The following NRCAM variants were observed in gnomAD, a reference collection of about 807,000 sequenced individuals.
NRCAM encodes NgCAM-related cell adhesion molecule.
Under a neutral mutation model 156.5 loss-of-function variants are expected in NRCAM, and 83 were observed. The ratio of observed to expected loss-of-function variants is 0.53; its 90% CI spans 0.44 to 0.64. The LOEUF (loss-of-function observed/expected upper bound fraction) is 0.64. Among genes scored for constraint, NRCAM ranks in the 30% least tolerant of loss-of-function variants. The pLI is 0.00. For missense variants in NRCAM, 1,417 were observed against 1,597.3 expected (o/e 0.89, Z 1.92); for synonymous variants, 538 against 563.9 (o/e 0.95, Z 0.65).
rs1554479870 is a variant in NRCAM at position 108,299,114 on chromosome 7, AAAAG to A, written c.-107+13547_-107+13550del. 2.4e-4 allele frequency among the ~76,000 whole-genome samples: 6 copies of A among 25,514 alleles called. 1 individual carries two copies. The highest frequency in any genetic ancestry group is 3.2e-4 in the African/African-American group (3 of 9,292). The allele number at this position is 25,514 out of a possible 152,430, so 16.7% of individuals were successfully genotyped here. On this transcript the variant is annotated intron_variant, in intron 3 of 32. Coordinates refer to ENST00000379028, the MANE Select transcript of NRCAM (RefSeq NM_001037132.4). Reference sequence around the variant, plus strand: ...GAGCAAGACTCCATCTCAAAAAAAAAAAAGAAAGAAAGAAAGAAAGAAAGAAAAG... The same window carrying A: ...GAGCAAGACTCCATCTCAAAAAAAAAAAAGAAAGAAAGAAAGAAAGAAAAG...
intron 2 of NRCAM, among the ~76,000 whole-genome samples, chr7:108,390,926 T>C (rs1164799214): frequency 6.6e-6 from 1 of 152,248 alleles, no homozygotes; most frequent in Admixed American, 6.5e-5. Flanking sequence ...GATTGCACTG[T>C]GGTCTGAGAG....
chr7:108,190,195 T>A (rs2070288577), intron 19 of NRCAM, among the ~76,000 whole-genome samples: 1 of 152,224 alleles, frequency 6.6e-6, no homozygotes, highest in Non-Finnish European at 1.5e-5. Context: ...AAATGCTGAA[T>A]AACAGATTTT....
Position 108,182,811 on chromosome 7 carries a change from T to C in NRCAM, c.2414A>G (p.Lys805Arg). The change falls in exon 23 of 33, where the codon AAA (lysine) becomes AGA (arginine). Residue 805 changes from lysine to arginine, a missense_variant. Around this residue, in one of 2 missense-constraint regions of NRCAM, gnomAD observed 1,238 missense variants for 1,336.4 expected, o/e 0.93. Transcript: ENST00000379028. Reference sequence around the variant, plus strand: ...GGTTGGCGTGCCTGAGACAATATATTTGGATACATTTGCCACAACCACAGA... The same window carrying C: ...GGTTGGCGTGCCTGAGACAATATATCTGGATACATTTGCCACAACCACAGA... ...WTSVVVANVSKYIVSGTPTFV... is the reference protein window; with the variant it reads ...WTSVVVANVSRYIVSGTPTFV... 1.2e-6 allele frequency: 2 copies of C among 1,614,238 alleles called. No individual in the cohort carries two copies. Among genetic ancestry groups the C allele is most frequent in the African/African-American group, 2.7e-5 (2 of 75,060 alleles).
chr7:108,310,509 G>C (rs1031003666), intron 3 of NRCAM, among the ~76,000 whole-genome samples: 3 of 152,148 alleles, frequency 2.0e-5, no homozygotes, highest in African/African-American at 4.8e-5. Context: ...CTGAGAGTTT[G>C]CAAACCACAG....
In NRCAM at chr7:108,212,490, C is replaced by A. The variant is rs561335433; in HGVS notation, c.891-2885G>T. Among the ~76,000 whole-genome samples the A allele has an allele frequency of 2.6e-5, 4 of 151,916 alleles. No homozygotes were observed. In the East Asian group the frequency reaches 5.8e-4, roughly 22 times the overall value. On this transcript the variant is annotated intron_variant, in intron 11 of 32. Coordinates refer to ENST00000379028, the MANE Select transcript of NRCAM (RefSeq NM_001037132.4). ...AGGCAAAGCCCAATGTAAGGAAATC[C>A]AAAAAACAATACAAGAAGCAAAGGG...
At chr7:108,337,090 C>T (rs1772960691) in intron 2 of NRCAM, among the ~76,000 whole-genome samples, 1 of 151,976 alleles carries the variant, frequency 6.6e-6, no homozygotes, top group African/African-American at 2.4e-5. Context: ...ATGGTGAAAC[C>T]CCATCTCTAC....
chr7:108,431,520 T>C (rs935673313), intron 1 of NRCAM, among the ~76,000 whole-genome samples: 2 of 152,172 alleles, frequency 1.3e-5, no homozygotes, highest in South Asian at 2.1e-4. Context: ...TGGTGGCTCA[T>C]GCCTATAATC....
At chr7:108,413,454 A>G (rs1797843448) in intron 1 of NRCAM, among the ~76,000 whole-genome samples, 1 of 152,188 alleles carries the variant, frequency 6.6e-6, no homozygotes, top group African/African-American at 2.4e-5. Context: ...TGGTTTGCCA[A>G]TATTTTCTCC....
At chr7:108,196,196 T>G (rs1186632178) in intron 14 of NRCAM, among the ~76,000 whole-genome samples, 1 of 152,204 alleles carries the variant, frequency 6.6e-6, no homozygotes, top group Non-Finnish European at 1.5e-5. Flanking sequence ...CCAAGTATAT[T>G]TTTGTTGAAT....
intron 22 of NRCAM, among the ~76,000 whole-genome samples, chr7:108,183,448 A>C (rs1031173622): frequency 2.0e-5 from 3 of 152,156 alleles, no homozygotes; most frequent in African/African-American, 7.2e-5. Flanking sequence ...AATATATGTT[A>C]ATTTTCCAAA....
intron 11 of NRCAM, among the ~76,000 whole-genome samples, chr7:108,212,610 A>C (rs1452324961): frequency 1.3e-5 from 2 of 152,168 alleles, no homozygotes; most frequent in South Asian, 4.1e-4. Flanking sequence ...TGCTCTGAAA[A>C]ATCTCAGCAA....
chr7:108,301,360 T>C (rs953529031), intron 3 of NRCAM, among the ~76,000 whole-genome samples: 1 of 152,180 alleles, frequency 6.6e-6, no homozygotes, highest in African/African-American at 2.4e-5. Flanking sequence ...GAAATTAAAA[T>C]AAGTATTAAG....
chr7:108,400,392 A>G (rs191510783), intron 1 of NRCAM, among the ~76,000 whole-genome samples: 3 of 152,218 alleles, frequency 2.0e-5, no homozygotes, highest in Admixed American at 1.3e-4. Context: ...CACTAACAGT[A>G]TGGCCTTGGG....
intron 2 of NRCAM, among the ~76,000 whole-genome samples, chr7:108,353,171 T>A (rs551835337): frequency 6.6e-6 from 1 of 152,300 alleles, no homozygotes; most frequent in African/African-American, 2.4e-5. Flanking sequence ...AACAACCTCC[T>A]AGCTGCTTCC....
intron 1 of NRCAM, among the ~76,000 whole-genome samples, chr7:108,418,826 T>C (rs1805322365): frequency 6.6e-6 from 1 of 152,136 alleles, no homozygotes; most frequent in African/African-American, 2.4e-5. Flanking sequence ...TATTTGACCA[T>C]CAGTGTATAG....
chr7:108,447,743 A>C (rs1238537185), intron 1 of NRCAM, among the ~76,000 whole-genome samples: 2 of 152,166 alleles, frequency 1.3e-5, no homozygotes, highest in East Asian at 3.9e-4. Flanking sequence ...TTAAATGTAA[A>C]TGTCTTATCA....
chr7:108,206,875 A>G (rs532814786), intron 13 of NRCAM, among the ~76,000 whole-genome samples: 5 of 152,266 alleles, frequency 3.3e-5, no homozygotes, highest in African/African-American at 1.2e-4. Context: ...CGGAGCAGGG[A>G]GGCTGCTGAA....
intron 11 of NRCAM, among the ~76,000 whole-genome samples, chr7:108,212,478 T>C (rs1313821558): frequency 6.6e-6 from 1 of 152,020 alleles, no homozygotes; most frequent in East Asian, 1.9e-4. Flanking sequence ...CAAAGCCCAA[T>C]GTAAGGAAAT....
intron 19 of NRCAM, among the ~76,000 whole-genome samples, chr7:108,190,575 A>T (rs1323884139): frequency 6.6e-6 from 1 of 152,232 alleles, no homozygotes; most frequent in African/African-American, 2.4e-5. Flanking sequence ...GTGCAAAATC[A>T]GCTGAGATGC....
Sources: allele counts gnomAD v4.1 joint callset (sites outside exome capture counted in the v4.1 genomes callset), GRCh38; gene constraint gnomAD v4.1.1; regional missense constraint gnomAD v4.1.1; transcripts MANE v1.5; gene names NCBI Gene and HGNC (gene_info 2026-07-23, HGNC 2026-07-21).